Variants in ZWILCH observed in about 807,000 individuals in gnomAD.
ZWILCH encodes the protein zwilch kinetochore protein.
In ZWILCH, 74 loss-of-function variants were observed where a neutral mutation model predicts 79.9. That is an observed-to-expected ratio of 0.93 (90% CI 0.77 to 1.12). The LOEUF (loss-of-function observed/expected upper bound fraction) is 1.12. Among genes scored for constraint, ZWILCH ranks in the 50% most tolerant of loss-of-function variants. The pLI, the probability that ZWILCH is intolerant of heterozygous loss-of-function variation, is 0.00. For missense variants in ZWILCH, 694 were observed against 687.5 expected (o/e 1.01, Z -0.11); for synonymous variants, 241 against 228.2 (o/e 1.06, Z -0.51).
In ZWILCH at chr15:66,508,920, A is replaced by G. The variant is rs200891818; in HGVS notation, c.105+28A>G. 299 of 1,608,500 alleles carry G rather than the reference A, an allele frequency of 1.9e-4. 1 individual carries two copies. The African/African-American group carries it at 3.5e-3, about 19-fold the overall frequency. On this transcript the variant is annotated intron_variant, in intron 2 of 18. Transcript: ENST00000307897. ...ATGAACAATTTGGTTTTTAAACACAACTCTAATCCTAAAATTGTCTGTTTT... is the reference window on the plus strand; with the variant it reads ...ATGAACAATTTGGTTTTTAAACACAGCTCTAATCCTAAAATTGTCTGTTTT...
chr15:66,515,519 T>C lies in ZWILCH; in HGVS notation c.202-7T>C. The stretch of plus-strand genomic sequence containing the variant: ...GTCTGGTTAAATAATTAAGAACATT[T>C]TTAAAGCCTTTAGAAAAGGAAGAAA... On this transcript the variant is annotated splice_polypyrimidine_tract_variant and splice_region_variant and intron_variant, in intron 3 of 18. Transcript: ENST00000307897. The C allele has an allele frequency of 6.4e-7, 1 of 1,565,730 alleles. No homozygotes were observed. Among genetic ancestry groups the C allele is most frequent in the Non-Finnish European group, 8.8e-7 (1 of 1,142,314 alleles).
At chr15:66,543,180 C>T (rs1480589017) in intron 17 of ZWILCH, among the ~76,000 whole-genome samples, 1 of 152,066 alleles carries the variant, frequency 6.6e-6, no homozygotes, top group Non-Finnish European at 1.5e-5. Context: ...GCCTGGGTGG[C>T]GGAGCAAGAC....
At chr15:66,545,227 G>A (rs113647762) in intron 17 of ZWILCH, among the ~76,000 whole-genome samples, 5,277 of 151,892 alleles carry the variant, frequency 0.035, 328 homozygotes, top group African/African-American at 0.12. Flanking sequence ...GGTGGCGGGT[G>A]CCTGTAATCC....
chr15:66,508,541 A>G (rs570116450), intron 1 of ZWILCH, among the ~76,000 whole-genome samples: 1 of 152,374 alleles, frequency 6.6e-6, no homozygotes, highest in South Asian at 2.1e-4. Flanking sequence ...GAAAAGACAC[A>G]CAGTAGAAGC....
chr15:66,521,692 CTA>C (rs1176104620), intron 7 of ZWILCH, among the ~76,000 whole-genome samples: 1 of 151,948 alleles, frequency 6.6e-6, no homozygotes, highest in Non-Finnish European at 1.5e-5. Flanking sequence ...CAGAGTCTCC[CTA>C]TGTTTCCCAA....
chr15:66,539,780 A>G (rs957135724), intron 16 of ZWILCH, among the ~76,000 whole-genome samples: 1 of 151,940 alleles, frequency 6.6e-6, no homozygotes, highest in African/African-American at 2.4e-5. Flanking sequence ...TGGTTATTTC[A>G]TACTCAGCTC....
Position 66,510,362 on chromosome 15 carries a change from G to A in ZWILCH, c.105+1470G>A, listed in dbSNP as rs1288844057. On this transcript the variant is annotated intron_variant, in intron 2 of 18. Transcript: ENST00000307897. Reference sequence around the variant, plus strand: ...AGATCGCACCACTGCACTCCAGCCTGGGCGACAGAGCGAGACTATCTCAAA... The same window carrying A: ...AGATCGCACCACTGCACTCCAGCCTAGGCGACAGAGCGAGACTATCTCAAA... Among the ~76,000 whole-genome samples, 9 of 150,450 alleles carry A rather than the reference G, an allele frequency of 6.0e-5. No individual in the cohort carries two copies. In the East Asian group the frequency reaches 1.6e-3, roughly 26 times the overall value.
intron 2 of ZWILCH, among the ~76,000 whole-genome samples, chr15:66,511,669 T>C (rs1894071977): frequency 1.3e-5 from 2 of 151,960 alleles, no homozygotes. Flanking sequence ...CAGGCTGGAG[T>C]GCAGTGGCGC....
In ZWILCH at chr15:66,538,443, C is replaced by T. The variant is rs143272676; in HGVS notation, c.1574+1180C>T. ...TATTTCCCAGGCTGGAGTGCAGTGG[C>T]GCAATCTCAGCTCACTGCAACCACA... On this transcript the variant is annotated intron_variant, in intron 16 of 18. Coordinates refer to ENST00000307897, the MANE Select transcript of ZWILCH (RefSeq NM_017975.5). Among the ~76,000 whole-genome samples the T allele has an allele frequency of 4.5e-3, 677 of 151,584 alleles. 4 individuals are homozygous for T. Among genetic ancestry groups the T allele is most frequent in the African/African-American group, 0.016 (655 of 41,304 alleles).
chr15:66,521,009 G>A (rs1471841413), intron 6 of ZWILCH, 41 bp from the exon 7 acceptor site: 1 of 1,599,712 alleles, frequency 6.3e-7, no homozygotes, highest in Non-Finnish European at 8.5e-7. Context: ...TTGGCCATGT[G>A]GAAGCACAGC....
At chr15:66,535,807 GT>G in intron 14 of ZWILCH, 125 bp from the exon 15 acceptor site, 2 of 708,292 alleles carry the variant, frequency 2.8e-6, no homozygotes, top group South Asian at 4.8e-5. Flanking sequence ...GCTTCTTCTG[GT>G]CTTTTTTTTT....
intron 10 of ZWILCH, among the ~76,000 whole-genome samples, 179 bp from the exon 11 acceptor site, chr15:66,528,673 G>A (rs539745304): frequency 6.6e-6 from 1 of 152,134 alleles, no homozygotes; most frequent in African/African-American, 2.4e-5. Flanking sequence ...ACAATATTAA[G>A]GGTCTTGTTT....
chr15:66,537,639 C>T (rs1033689335), intron 16 of ZWILCH, among the ~76,000 whole-genome samples: 1 of 151,728 alleles, frequency 6.6e-6, no homozygotes, highest in Non-Finnish European at 1.5e-5. Flanking sequence ...TGCAGTGAGC[C>T]GAGATCATGC....
chr15:66,532,921 T>C, intron 13 of ZWILCH, 64 bp from the exon 14 acceptor site: 1 of 1,061,114 alleles, frequency 9.4e-7, no homozygotes, highest in South Asian at 2.5e-5. Context: ...TTAAATTAAT[T>C]TCTATTAATA....
chr15:66,536,597 G>A (rs1449503889), intron 15 of ZWILCH, among the ~76,000 whole-genome samples: 1 of 152,210 alleles, frequency 6.6e-6, no homozygotes, highest in Non-Finnish European at 1.5e-5. Flanking sequence ...AAACTAGGAA[G>A]TGAACTGTCC....
At position 66,505,392 on chromosome 15, in the gene ZWILCH, G is replaced by A. The variant is rs1213475952; in HGVS notation, c.53+1G>A. ...AGGACTTTTATTCTCGTCTCCTTCAGTGAGTCTAGTCTCTTCTTTTGGCTG... is the reference window on the plus strand; with the variant it reads ...AGGACTTTTATTCTCGTCTCCTTCAATGAGTCTAGTCTCTTCTTTTGGCTG... On this transcript the variant is annotated splice_donor_variant, in intron 1 of 18. Transcript: ENST00000307897. LOFTEE classifies it high-confidence loss of function. The A allele has an allele frequency of 6.2e-7, 1 of 1,613,974 alleles. No homozygotes were observed. Among genetic ancestry groups the A allele is most frequent in the African/African-American group, 1.3e-5 (1 of 74,932 alleles).
chr15:66,507,156 C>G (rs555731965), intron 1 of ZWILCH, among the ~76,000 whole-genome samples: 32 of 152,172 alleles, frequency 2.1e-4, no homozygotes, highest in South Asian at 1.7e-3. Context: ...CCATCGTGCC[C>G]GGCCCATTTA....
At chr15:66,517,430 G>GTGTGTGTGTGTATATATATA in intron 4 of ZWILCH, among the ~76,000 whole-genome samples, 50 of 66,486 alleles carry the variant, frequency 7.5e-4, no homozygotes, top group East Asian at 4.9e-3. Context: ...GTGTGTGTGT[G>GTGTGTGTGTGTATATATATA]TATATATATA....
At chr15:66,544,214 G>A (rs982246227) in intron 17 of ZWILCH, among the ~76,000 whole-genome samples, 3 of 150,180 alleles carry the variant, frequency 2.0e-5, no homozygotes, top group African/African-American at 4.9e-5. Context: ...CCGATATCAC[G>A]CCATTGCACT....
Sources: allele counts gnomAD v4.1 joint callset (sites outside exome capture counted in the v4.1 genomes callset), GRCh38; gene constraint gnomAD v4.1.1; transcripts MANE v1.5; gene names NCBI Gene and HGNC (gene_info 2026-07-23, HGNC 2026-07-21).